DAP: variants seen among roughly 807,000 people sequenced by gnomAD.
DAP encodes death associated protein.
A neutral mutation model predicts 13.8 loss-of-function variants in DAP; 8 were observed. The ratio of observed to expected loss-of-function variants is 0.58; its 90% CI spans 0.34 to 1.05. The LOEUF is 1.05. Among genes scored for constraint, DAP ranks in the 50% least tolerant of loss-of-function variants. The pLI is 0.03. For missense variants in DAP, 106 were observed against 133.2 expected (o/e 0.80, Z 1.01); for synonymous variants, 47 against 47.5 (o/e 0.99, Z 0.04).
chr5:10,751,079 C>T (rs989875033), intron 1 of DAP, among the ~76,000 whole-genome samples: 2 of 152,304 alleles, frequency 1.3e-5, no homozygotes, highest in East Asian at 1.9e-4. Context: ...CTCCTAGGGC[C>T]ACTGGGCAGG....
intron 2 of DAP, among the ~76,000 whole-genome samples, chr5:10,718,921 G>C (rs1739063456): frequency 6.6e-6 from 1 of 152,342 alleles, no homozygotes; most frequent in Non-Finnish European, 1.5e-5. Context: ...GCTTCTGCAA[G>C]ATATCACACT....
intron 2 of DAP, among the ~76,000 whole-genome samples, chr5:10,717,981 T>C (rs1739036101): frequency 6.6e-6 from 1 of 152,140 alleles, no homozygotes; most frequent in South Asian, 2.1e-4. Context: ...CTTGAGTCAG[T>C]TTACACACCC....
chr5:10,683,499 C>CAAA, intron 3 of DAP, 30 bp downstream of exon 3: 1 of 1,612,864 alleles, frequency 6.2e-7, no homozygotes, highest in Non-Finnish European at 8.5e-7. Context: ...GCAAAAGCCT[C>CAAA]AAACCCACCG....
chr5:10,680,533 C>T lies in DAP; in HGVS notation c.*523G>A. The T allele has an allele frequency of 1.6e-6, 1 of 609,870 alleles. No individual in the cohort carries two copies. The highest frequency in any genetic ancestry group is 2.9e-6 in the Non-Finnish European group (1 of 348,144). The allele number at this position is 609,870 out of a possible 1,614,324, so 37.8% of individuals were successfully genotyped here. ...CATCAGCCTGCACAGGATCCCCCAT[C>T]TCACGAGAGAGGGAAATTTGGCATT... On this transcript the variant is annotated 3_prime_UTR_variant, in exon 4 of 4. Coordinates refer to ENST00000230895, the MANE Select transcript of DAP (RefSeq NM_004394.3).
At chr5:10,757,389 C>T (rs1388859019) in intron 1 of DAP, among the ~76,000 whole-genome samples, 1 of 152,128 alleles carries the variant, frequency 6.6e-6, no homozygotes, top group Non-Finnish European at 1.5e-5. Flanking sequence ...ATTTTCCTGC[C>T]TCAGCCTACA....
intron 2 of DAP, among the ~76,000 whole-genome samples, chr5:10,689,138 GTGA>G (rs544219165): frequency 1.3e-3 from 195 of 152,316 alleles, no homozygotes; most frequent in African/African-American, 4.1e-3. Context: ...TGTGTGAACA[GTGA>G]TGATATGAGA....
At chr5:10,749,503 TGTGAA>T (rs1040678452) in intron 1 of DAP, among the ~76,000 whole-genome samples, 1 of 150,744 alleles carries the variant, frequency 6.6e-6, no homozygotes, top group African/African-American at 2.5e-5. Flanking sequence ...TCCTAGTGGG[TGTGAA>T]GTGGTCTCTT....
Position 10,733,155 on chromosome 5 carries a change from CGTGTGTGTGTGTGTGTGTGT to C in DAP, c.152+15000_152+15019del, listed in dbSNP as rs55645932. 9.2e-3 allele frequency among the ~76,000 whole-genome samples: 1,177 copies of C among 128,462 alleles called. 19 individuals carry two copies. Among genetic ancestry groups the C allele is most frequent in the African/African-American group, 0.03 (997 of 33,756 alleles). 84.3% of individuals were successfully genotyped at this position (128,462 alleles called of 152,430 possible). ...TTTTTAAGGTTGAATAATATTCCTGCGTGTGTGTGTGTGTGTGTGTGTGTGTGTGTGTGTGTGTGTGTGTG... is the reference window on the plus strand; with the variant it reads ...TTTTTAAGGTTGAATAATATTCCTGCGTGTGTGTGTGTGTGTGTGTGTGTG... On this transcript the variant is annotated intron_variant, in intron 2 of 3. Coordinates refer to ENST00000230895, the MANE Select transcript of DAP (RefSeq NM_004394.3).
At chr5:10,759,744 CTTTTTTTTTTTTT>C (rs1169454640) in intron 1 of DAP, among the ~76,000 whole-genome samples, 2 of 88,202 alleles carry the variant, frequency 2.3e-5, no homozygotes, top group South Asian at 4.8e-4. Context: ...TAATGGGAAT[CTTTTTTTTTTTTT>C]TTTTTTTTTT....
chr5:10,759,453 C>A (rs1411940718), intron 1 of DAP, among the ~76,000 whole-genome samples: 1 of 152,164 alleles, frequency 6.6e-6, no homozygotes, highest in African/African-American at 2.4e-5. Flanking sequence ...AAAAAACTCC[C>A]TTTGAAGTAC....
intron 2 of DAP, among the ~76,000 whole-genome samples, chr5:10,710,246 C>A (rs1353984233): frequency 6.8e-6 from 1 of 147,980 alleles, no homozygotes; most frequent in Non-Finnish European, 1.5e-5. Flanking sequence ...AGGAAGCCTT[C>A]ACAGCCTCAA....
chr5:10,722,604 A>G (rs1294069735), intron 2 of DAP, among the ~76,000 whole-genome samples: 1 of 148,926 alleles, frequency 6.7e-6, no homozygotes, highest in East Asian at 1.9e-4. Flanking sequence ...ACATATATAT[A>G]CATATATACA....
chr5:10,689,545 T>C (rs1738248511), intron 2 of DAP, among the ~76,000 whole-genome samples: 5 of 152,218 alleles, frequency 3.3e-5, no homozygotes, highest in Admixed American at 3.3e-4. Context: ...CTTTAGTGGC[T>C]TGGTGGATTC....
chr5:10,751,415 C>G (rs945130804), intron 1 of DAP, among the ~76,000 whole-genome samples: 1 of 152,198 alleles, frequency 6.6e-6, no homozygotes, highest in Non-Finnish European at 1.5e-5. Flanking sequence ...TCATTTTCCA[C>G]TCTCTTGAAA....
intron 1 of DAP, among the ~76,000 whole-genome samples, chr5:10,756,660 A>C (rs1239556458): frequency 6.6e-6 from 1 of 152,234 alleles, no homozygotes; most frequent in East Asian, 1.9e-4. Context: ...GATTTATGAG[A>C]ACTCTACTGA....
intron 2 of DAP, among the ~76,000 whole-genome samples, chr5:10,687,028 C>T (rs560822861): frequency 4.6e-5 from 7 of 152,226 alleles, no homozygotes; most frequent in East Asian, 1.9e-4. Context: ...AGGGCCCTTA[C>T]GAATTACATA....
intron 2 of DAP, among the ~76,000 whole-genome samples, chr5:10,711,420 G>A (rs981828689): frequency 2.6e-5 from 4 of 152,228 alleles, no homozygotes; most frequent in Non-Finnish European, 2.9e-5. Context: ...TCACCGGGGC[G>A]TAACTGCCCT....
In DAP at chr5:10,744,435, C is replaced by T. The variant is rs574008790; in HGVS notation, c.152+3740G>A. 9.2e-5 allele frequency among the ~76,000 whole-genome samples: 14 copies of T among 152,292 alleles called. 1 individual carries two copies. In the South Asian group the frequency reaches 2.5e-3, roughly 27 times the overall value. On this transcript the variant is annotated intron_variant, in intron 2 of 3. Transcript: ENST00000230895. Reference sequence around the variant, plus strand: ...GTAAAACCAGCCTAGTCCCCTGAAACCTTATTGTAAAGTGATAATTAGACC... The same window carrying T: ...GTAAAACCAGCCTAGTCCCCTGAAATCTTATTGTAAAGTGATAATTAGACC...
intron 2 of DAP, among the ~76,000 whole-genome samples, chr5:10,685,159 TTC>T (rs1202553914): frequency 1.5e-5 from 1 of 68,036 alleles, no homozygotes; most frequent in East Asian, 8.5e-4. Context: ...CCCAAGTAAT[TTC>T]TGTTACTTCG....
Sources: gnomAD v4.1 joint callset for allele counts (sites outside exome capture counted in the v4.1 genomes callset) on GRCh38, gnomAD v4.1.1 for gene constraint, MANE v1.5 for transcripts, NCBI Gene and HGNC (gene_info 2026-07-23, HGNC 2026-07-21) for gene names.